REV3L: variants seen among roughly 807,000 people sequenced by gnomAD.
REV3L encodes the protein REV3 like, DNA directed polymerase zeta catalytic subunit.
Under a neutral mutation model 299.4 loss-of-function variants are expected in REV3L, and 69 were observed. The observed-to-expected ratio is 0.23, with a 90% confidence interval of 0.19 to 0.28. The LOEUF (loss-of-function observed/expected upper bound fraction) is 0.28, where lower values mean the gene tolerates loss of function less well. Ranked by LOEUF, REV3L falls within the 10% of genes least tolerant of loss-of-function variation. REV3L has a pLI of 1.00. For synonymous variants in REV3L, 1,238 were observed against 1,271.4 expected, an observed-to-expected ratio of 0.97 and a Z score of 0.56; for missense variants, 3,128 against 3,693.8, an observed-to-expected ratio of 0.85 and a Z score of 3.97.
At chr6:111,319,446 GC>G (rs1185453278) in intron 26 of REV3L, among the ~76,000 whole-genome samples, 1 of 151,944 alleles carries the variant, frequency 6.6e-6, no homozygotes, top group African/African-American at 2.4e-5. Context: ...AGCCTGGGCG[GC>G]AGAGCGAGAT....
intron 1 of REV3L, among the ~76,000 whole-genome samples, chr6:111,465,846 C>G (rs1791440256): frequency 1.4e-5 from 2 of 145,646 alleles, no homozygotes; most frequent in South Asian, 4.5e-4. Context: ...ACGATTTATA[C>G]AATATATCGC....
At chr6:111,359,590 A>G (rs1778439774) in intron 16 of REV3L, among the ~76,000 whole-genome samples, 1 of 151,014 alleles carries the variant, frequency 6.6e-6, no homozygotes, top group Non-Finnish European at 1.5e-5. Context: ...TTACACATGC[A>G]CATTTTCTCT....
At chr6:111,365,136 G>T in intron 15 of REV3L, 129 bp downstream of exon 15, 1 of 564,758 alleles carries the variant, frequency 1.8e-6, no homozygotes. Flanking sequence ...TCAAAGATAT[G>T]CAAATAATGA....
In REV3L at chr6:111,335,585, T is replaced by G. The variant is rs1775818939; in HGVS notation, c.7564A>C (p.Ser2522Arg). The G allele has an allele frequency of 6.2e-7, 1 of 1,610,600 alleles. No individual in the cohort carries two copies. The highest frequency in any genetic ancestry group is 2.2e-5 in the East Asian group (1 of 44,578). The change falls in exon 22 of 32, where the codon AGC becomes CGC. Residue 2522 changes from serine (S) to arginine (R), a missense_variant. Ser to Arg is a moderately radical substitution (Grantham distance 110). Around this residue, in one of 9 missense-constraint regions of REV3L, gnomAD observed 149 missense variants for 286.4 expected, o/e 0.52. Coordinates refer to ENST00000368802, the MANE Select transcript of REV3L (RefSeq NM_001372078.1). ...ATTTGGAGATTTCCACGGACACGGCTAACATAATGATCAACCATTTTCCAT... is the reference window on the plus strand; with the variant it reads ...ATTTGGAGATTTCCACGGACACGGCGAACATAATGATCAACCATTTTCCAT... ...YRWKMVDHYVSRVRGNLQMLE... is the reference protein window; with the variant it reads ...YRWKMVDHYVRRVRGNLQMLE...
chr6:111,397,749 A>C (rs1032056211), intron 4 of REV3L, among the ~76,000 whole-genome samples: 1 of 151,690 alleles, frequency 6.6e-6, no homozygotes, highest in Non-Finnish European at 1.5e-5. Context: ...CAATCCTCCT[A>C]CCTCAGCCTC....
At chr6:111,410,008 C>A (rs866543788) in intron 3 of REV3L, among the ~76,000 whole-genome samples, 2 of 152,150 alleles carry the variant, frequency 1.3e-5, no homozygotes, top group African/African-American at 4.8e-5. Context: ...TTCCACAGAG[C>A]ATCAAGTAAT....
chr6:111,399,722 G>C (rs1035319179), intron 4 of REV3L, among the ~76,000 whole-genome samples: 1 of 152,096 alleles, frequency 6.6e-6, no homozygotes, highest in Non-Finnish European at 1.5e-5. Flanking sequence ...AAGTACCTTT[G>C]TTATCACATC....
chr6:111,480,799 C>A (rs1359785853), intron 1 of REV3L, among the ~76,000 whole-genome samples: 6 of 148,498 alleles, frequency 4.0e-5, no homozygotes, highest in Admixed American at 6.7e-5. Flanking sequence ...AAAAAAAAAA[C>A]CCCAATGGGG....
Position 111,444,649 on chromosome 6 carries a change from T to A in REV3L, c.140-28177A>T, listed in dbSNP as rs74864609. On this transcript the variant is annotated intron_variant, in intron 1 of 31. Coordinates refer to ENST00000368802, the MANE Select transcript of REV3L (RefSeq NM_001372078.1). ...CAAATGATAATCAACCTTTAGGTTT[T>A]ACGTTCTGAAAATTCCTACAAACTT... Among the ~76,000 whole-genome samples, 253 of 152,350 alleles carry A rather than the reference T, an allele frequency of 1.7e-3. 2 individuals carry two copies. In the East Asian group the frequency reaches 0.044, roughly 27 times the overall value.
chr6:111,474,365 A>G (rs1050354541), intron 1 of REV3L, among the ~76,000 whole-genome samples: 10 of 152,248 alleles, frequency 6.6e-5, no homozygotes, highest in African/African-American at 2.4e-4. Context: ...TCTCATTGTA[A>G]GTGGGTTGCA....
At position 111,392,937 on chromosome 6, in the gene REV3L, G is replaced by A. The variant is rs1782086042; in HGVS notation, c.601C>T (p.His201Tyr). The change falls in exon 5 of 32, where the codon CAT (histidine) becomes TAT (tyrosine). Residue 201 changes from histidine to tyrosine, a missense_variant. His to Tyr is a moderately conservative substitution (Grantham distance 83, BLOSUM62 2). Transcript: ENST00000368802. ...TCAGCAAGAGAATTTCCTGATAAAT[G>A]ATTCTTGCAGGATCCAGTTGCATGC... The part of the protein sequence containing the change: ...TLHATGSCKN[H>Y]LSGNSLADTL... 6.2e-7 allele frequency: 1 copy of A among 1,611,848 alleles called. No homozygotes were observed. Among genetic ancestry groups the A allele is most frequent in the African/African-American group, 1.3e-5 (1 of 74,926 alleles).
At position 111,349,325 on chromosome 6, in the gene REV3L, C is replaced by A; in HGVS notation, c.7312G>T (p.Glu2438Ter). The change falls in exon 20 of 32, where the codon GAG (glutamate) becomes TAG (stop). Residue 2438 changes from glutamate (E) to a stop codon, truncating the protein, a stop_gained. Coordinates refer to ENST00000368802, the MANE Select transcript of REV3L (RefSeq NM_001372078.1). LOFTEE classifies it high-confidence loss of function. ...TCTCTTTCAGCTGCAAATCTGTTCT[C>A]AATTTTGTCATCTATAGAAATGAAA... ...MISRVPDDKI[E>*]NRFAAERDEY... 1.3e-6 allele frequency: 2 copies of A among 1,564,642 alleles called. No individual in the cohort carries two copies. The highest frequency in any genetic ancestry group is 1.8e-6 in the Non-Finnish European group (2 of 1,141,282).
intron 11 of REV3L, among the ~76,000 whole-genome samples, chr6:111,379,028 AAT>A (rs1015366259): frequency 4.6e-5 from 7 of 152,166 alleles, no homozygotes; most frequent in African/African-American, 9.7e-5. Flanking sequence ...ATCTCTCTCT[AAT>A]ATATGTGTAC....
chr6:111,407,245 C>T (rs564330464), intron 3 of REV3L, among the ~76,000 whole-genome samples: 13 of 152,148 alleles, frequency 8.5e-5, no homozygotes, highest in African/African-American at 3.1e-4. Context: ...AGAAATGAGG[C>T]TATTCATATA....
intron 31 of REV3L, among the ~76,000 whole-genome samples, chr6:111,304,606 GCTTTTT>G (rs1408308912): frequency 6.7e-6 from 1 of 148,740 alleles, no homozygotes; most frequent in Non-Finnish European, 1.5e-5. Context: ...AAATAGCATC[GCTTTTT>G]CTTTTTTTTT....
intron 15 of REV3L, 59 bp downstream of exon 15, chr6:111,365,206 G>A: frequency 9.1e-7 from 1 of 1,093,050 alleles, no homozygotes; most frequent in Admixed American, 3.0e-5. Flanking sequence ...TTATCTAACT[G>A]AAATCTAGGA....
chr6:111,317,095 G>A (rs1453795196), intron 26 of REV3L, among the ~76,000 whole-genome samples: 1 of 152,040 alleles, frequency 6.6e-6, no homozygotes, highest in Non-Finnish European at 1.5e-5. Context: ...ATTAAATAGT[G>A]GAAATGGATG....
At chr6:111,452,098 ACT>A in intron 1 of REV3L, among the ~76,000 whole-genome samples, 2 of 152,222 alleles carry the variant, frequency 1.3e-5, no homozygotes, top group African/African-American at 4.8e-5. Flanking sequence ...AAATATGCAC[ACT>A]AAAAGATGTT....
chr6:111,382,440 T>A (rs975136717), intron 9 of REV3L, among the ~76,000 whole-genome samples: 1 of 152,098 alleles, frequency 6.6e-6, no homozygotes, highest in Admixed American at 6.5e-5. Context: ...TTGCTTTGCA[T>A]TGGAACTCAG....
Sources: gnomAD v4.1 joint callset for allele counts (sites outside exome capture counted in the v4.1 genomes callset) on GRCh38, gnomAD v4.1.1 for gene constraint, gnomAD v4.1.1 regional missense constraint, MANE v1.5 for transcripts, NCBI Gene and HGNC (gene_info 2026-07-23, HGNC 2026-07-21) for gene names.